Variants in SND1 observed in about 807,000 individuals in gnomAD.
SND1 encodes staphylococcal nuclease and tudor domain containing 1.
SND1 carries 38 observed loss-of-function variants against 121.7 expected under a neutral mutation model. That is an observed-to-expected ratio of 0.31 (90% CI 0.24 to 0.41). The LOEUF is 0.41. SND1 is among the 10% of genes least tolerant of loss of function. The pLI is 1.00. For missense variants in SND1, 868 were observed against 1,184.6 expected (o/e 0.73, Z 3.92); for synonymous variants, 401 against 447.4 (o/e 0.90, Z 1.31).
intron 10 of SND1, among the ~76,000 whole-genome samples, chr7:127,796,079 G>C (rs189319572): frequency 6.6e-5 from 10 of 151,532 alleles, no homozygotes; most frequent in Non-Finnish European, 1.0e-4. Context: ...GGATGGTCTC[G>C]ATCTCCTGAC....
At chr7:127,826,736 C>G (rs1278731335) in intron 11 of SND1, among the ~76,000 whole-genome samples, 2 of 152,134 alleles carry the variant, frequency 1.3e-5, no homozygotes, top group African/African-American at 4.8e-5. Context: ...AACAACATAG[C>G]AACAAATACT....
chr7:127,832,308 A>G (rs1203701664), intron 11 of SND1, among the ~76,000 whole-genome samples: 2 of 152,218 alleles, frequency 1.3e-5, no homozygotes, highest in Non-Finnish European at 2.9e-5. Context: ...ACATCCACAT[A>G]TTAAATGTTA....
chr7:127,776,410 G>T lies in SND1; in HGVS notation c.1153-31074G>T, dbSNP rs539995934. On this transcript the variant is annotated intron_variant, in intron 10 of 23. Transcript: ENST00000354725. ...AGCTGTGAAAAAACAATAAATTTAT[G>T]ATGTAAAATGGTGTGTAACATCAGA... is the stretch of plus-strand genomic sequence containing the variant. Among the ~76,000 whole-genome samples the T allele has an allele frequency of 3.9e-5, 6 of 152,182 alleles. No individual in the cohort carries two copies. In the East Asian group the frequency reaches 9.6e-4, roughly 24 times the overall value.
intron 11 of SND1, among the ~76,000 whole-genome samples, chr7:127,834,617 G>C (rs1563029563): frequency 6.6e-6 from 1 of 152,146 alleles, no homozygotes; most frequent in Non-Finnish European, 1.5e-5. Context: ...GGATGGTGTG[G>C]TATGTTTACA....
chr7:127,949,957 G>C (rs1801423554), intron 15 of SND1, among the ~76,000 whole-genome samples: 1 of 152,164 alleles, frequency 6.6e-6, no homozygotes, highest in African/African-American at 2.4e-5. Flanking sequence ...TCCTCTCACT[G>C]TACTTGAAAG....
intron 1 of SND1, among the ~76,000 whole-genome samples, chr7:127,667,685 T>A (rs557692642): frequency 2.0e-5 from 3 of 152,320 alleles, no homozygotes; most frequent in African/African-American, 7.2e-5. Context: ...CCAAACTAAA[T>A]CTTTAGACTA....
At chr7:127,972,657 G>A (rs992290725) in intron 15 of SND1, among the ~76,000 whole-genome samples, 17 of 152,064 alleles carry the variant, frequency 1.1e-4, no homozygotes, top group Admixed American at 7.2e-4. Context: ...TCTGCTCGCC[G>A]CAACCTCTGC....
intron 11 of SND1, among the ~76,000 whole-genome samples, chr7:127,820,248 T>C (rs1170642569): frequency 1.3e-5 from 2 of 152,256 alleles, no homozygotes; most frequent in African/African-American, 4.8e-5. Context: ...GGTTTCCTTC[T>C]GTCATTTGTC....
intron 10 of SND1, among the ~76,000 whole-genome samples, chr7:127,751,665 A>G (rs529393407): frequency 1.3e-5 from 2 of 152,364 alleles, no homozygotes; most frequent in African/African-American, 2.4e-5. Context: ...GTGGGGTTCT[A>G]TGTGACTCGT....
At chr7:127,793,420 T>C (rs1057314800) in intron 10 of SND1, among the ~76,000 whole-genome samples, 2 of 152,218 alleles carry the variant, frequency 1.3e-5, no homozygotes, top group Non-Finnish European at 2.9e-5. Context: ...ATATGTTTAA[T>C]GTGCAAGCAG....
At chr7:128,032,471 A>C (rs1438384071) in intron 16 of SND1, among the ~76,000 whole-genome samples, 1 of 151,230 alleles carries the variant, frequency 6.6e-6, no homozygotes, top group Non-Finnish European at 1.5e-5. Flanking sequence ...CGGAGGGAGC[A>C]GTTGGGTGGC....
intron 16 of SND1, among the ~76,000 whole-genome samples, chr7:128,064,093 C>T (rs1793274879): frequency 6.6e-6 from 1 of 152,168 alleles, no homozygotes; most frequent in Non-Finnish European, 1.5e-5. Context: ...ATTCGCCAGA[C>T]TCTCCTTAAG....
rs117419581 is a variant in SND1 at position 127,988,389 on chromosome 7, A to G, written c.1670-2558A>G. Among the ~76,000 whole-genome samples, 210 of 152,332 alleles carry G rather than the reference A, an allele frequency of 1.4e-3. 8 individuals are homozygous for G. In the East Asian group the frequency reaches 0.038, roughly 28 times the overall value. Reference sequence around the variant, plus strand: ...TTCGGCTTCCTACTCTTGTCGTGCTAGGGCTTAACTGCTGGGAAGTGGACT... The same window carrying G: ...TTCGGCTTCCTACTCTTGTCGTGCTGGGGCTTAACTGCTGGGAAGTGGACT... On this transcript the variant is annotated intron_variant, in intron 15 of 23. Transcript: ENST00000354725.
At chr7:128,007,064 T>C (rs913135189) in intron 16 of SND1, among the ~76,000 whole-genome samples, 16 of 152,346 alleles carry the variant, frequency 1.1e-4, no homozygotes, top group African/African-American at 3.8e-4. Flanking sequence ...CAGGTAGCTC[T>C]GCAGTATGCG....
At chr7:127,666,581 G>C (rs957259892) in intron 1 of SND1, among the ~76,000 whole-genome samples, 3 of 151,882 alleles carry the variant, frequency 2.0e-5, no homozygotes, top group African/African-American at 7.3e-5. Context: ...TCATTGGAGA[G>C]AGTGCCCCCC....
intron 12 of SND1, among the ~76,000 whole-genome samples, chr7:127,846,672 A>C (rs115053236): frequency 1.4e-3 from 206 of 152,374 alleles, no homozygotes; most frequent in African/African-American, 4.7e-3. Context: ...CATCTAAGGC[A>C]TGACCACAGG....
At chr7:127,913,636 G>T (rs930587890) in intron 14 of SND1, among the ~76,000 whole-genome samples, 25 of 152,308 alleles carry the variant, frequency 1.6e-4, no homozygotes, top group African/African-American at 5.1e-4. Flanking sequence ...AGGGATGATT[G>T]TAAGTATATT....
intron 16 of SND1, among the ~76,000 whole-genome samples, chr7:128,073,220 G>A (rs1248774553): frequency 1.3e-5 from 2 of 152,200 alleles, no homozygotes; most frequent in Non-Finnish European, 2.9e-5. Context: ...CACTTCTCCA[G>A]TGCCACCTAC....
intron 16 of SND1, among the ~76,000 whole-genome samples, chr7:128,001,989 AACTTCAGTATGT>A (rs1188493804): frequency 2.0e-5 from 3 of 152,344 alleles, no homozygotes; most frequent in Non-Finnish European, 4.4e-5. Flanking sequence ...TTAGGACTTG[AACTTCAGTATGT>A]ACAAAACCAG....
Sources: allele counts gnomAD v4.1 joint callset (sites outside exome capture counted in the v4.1 genomes callset), GRCh38; gene constraint gnomAD v4.1.1; transcripts MANE v1.5; gene names NCBI Gene and HGNC (gene_info 2026-07-23, HGNC 2026-07-21).